Variants in TTC7A observed in about 807,000 individuals in gnomAD.
TTC7A encodes the protein tetratricopeptide repeat domain 7A.
A neutral mutation model predicts 103.7 loss-of-function variants in TTC7A; 110 were observed. That is an observed-to-expected ratio of 1.06 (90% confidence interval 0.91 to 1.24). The LOEUF (loss-of-function observed/expected upper bound fraction) is 1.24. TTC7A is among the 50% of genes most tolerant of loss of function. The probability of loss-of-function intolerance (pLI) is 0.00; values close to 1 mark genes in which losing one functional copy is unlikely to be tolerated. For missense variants in TTC7A, 1,340 were observed against 1,116.3 expected, an observed-to-expected ratio of 1.20 and a Z score of -2.86; for synonymous variants, 521 against 467.9, an observed-to-expected ratio of 1.11 and a Z score of -1.47.
At chr2:46,946,426 T>C (rs906560371) in intron 1 of TTC7A, among the ~76,000 whole-genome samples, 1 of 152,158 alleles carries the variant, frequency 6.6e-6, no homozygotes, top group Admixed American at 6.5e-5. Context: ...TTAATTTTTT[T>C]AATTTTTATT....
At chr2:47,033,622 C>T (rs1464700233) in intron 15 of TTC7A, among the ~76,000 whole-genome samples, 1 of 152,258 alleles carries the variant, frequency 6.6e-6, no homozygotes, top group African/African-American at 2.4e-5. Flanking sequence ...CAGCAACTTA[C>T]TCCTCTTCCC....
intron 19 of TTC7A, among the ~76,000 whole-genome samples, chr2:47,064,442 T>TTGCC (rs1684027439): frequency 6.6e-6 from 1 of 152,166 alleles, no homozygotes; most frequent in Non-Finnish European, 1.5e-5. Flanking sequence ...AGACTGAACT[T>TTGCC]TGCCTGCCTG....
At chr2:47,035,818 CT>C (rs1659262770) in intron 15 of TTC7A, among the ~76,000 whole-genome samples, 1 of 152,160 alleles carries the variant, frequency 6.6e-6, no homozygotes, top group Admixed American at 6.5e-5. Context: ...AAGACAAAGC[CT>C]TTTTGCGCCT....
At chr2:47,032,622 G>T (rs949848183) in intron 15 of TTC7A, among the ~76,000 whole-genome samples, 4 of 151,834 alleles carry the variant, frequency 2.6e-5, no homozygotes, top group African/African-American at 4.8e-5. Context: ...GGATCTGCAG[G>T]CCCCACCCCC....
At chr2:47,028,865 A>G (rs1451472407) in intron 14 of TTC7A, among the ~76,000 whole-genome samples, 1 of 151,928 alleles carries the variant, frequency 6.6e-6, no homozygotes, top group African/African-American at 2.4e-5. Context: ...CATTTTCATC[A>G]TCTCCTCCTG....
At chr2:46,992,597 C>G (rs1675744724) in intron 5 of TTC7A, among the ~76,000 whole-genome samples, 1 of 152,218 alleles carries the variant, frequency 6.6e-6, no homozygotes. Flanking sequence ...AGGGCTTATT[C>G]TGTGAGCCCT....
intron 19 of TTC7A, chr2:47,067,770 CCA>C (rs1684302982): frequency 1.3e-5 from 2 of 152,050 alleles, no homozygotes; most frequent in Non-Finnish European, 2.9e-5. Flanking sequence ...TTAAATAATT[CCA>C]TAAGTTAGTG....
chr2:46,917,420 C>T, intron 2 of TTC7A: 2 of 564,928 alleles, frequency 3.5e-6, no homozygotes, highest in Admixed American at 3.5e-5. Flanking sequence ...ATTCATCCAT[C>T]TCTTCATCCA....
chr2:46,976,662 G>GT (rs1480906450), intron 4 of TTC7A, among the ~76,000 whole-genome samples: 1 of 152,218 alleles, frequency 6.6e-6, no homozygotes, highest in African/African-American at 2.4e-5. Flanking sequence ...AGAATTCTTT[G>GT]TTGTTGGTGA....
chr2:47,044,630 G>T (rs1028294113), intron 15 of TTC7A, among the ~76,000 whole-genome samples: 7 of 152,226 alleles, frequency 4.6e-5, no homozygotes, highest in Non-Finnish European at 8.8e-5. Flanking sequence ...AGAGAGGTGG[G>T]ATTTAAAGCC....
chr2:47,016,257 C>T (rs1408870012), intron 11 of TTC7A, among the ~76,000 whole-genome samples: 1 of 152,196 alleles, frequency 6.6e-6, no homozygotes, highest in Non-Finnish European at 1.5e-5. Flanking sequence ...TCCTTCAATG[C>T]ATCCTTTTCC....
At chr2:46,938,036 C>T (rs1558484486), upstream of TTC7A, among the ~76,000 whole-genome samples, 1 of 152,042 alleles carries the variant, frequency 6.6e-6, no homozygotes, top group African/African-American at 2.4e-5. Flanking sequence ...GGACTCTTTT[C>T]TCTTTTTGTG....
At chr2:46,976,015 GC>G (rs1673841329) in intron 4 of TTC7A, among the ~76,000 whole-genome samples, 1 of 152,184 alleles carries the variant, frequency 6.6e-6, no homozygotes, top group Non-Finnish European at 1.5e-5. Context: ...GGGATTACAG[GC>G]CCGTGCCCAG....
intron 18 of TTC7A, among the ~76,000 whole-genome samples, chr2:47,058,985 T>G (rs1344323553): frequency 7.4e-6 from 1 of 134,910 alleles, no homozygotes; most frequent in Non-Finnish European, 1.6e-5. Flanking sequence ...GGGAATGGAG[T>G]GGGGTCCTCA....
At chr2:47,071,535 C>T (rs1187976343) in intron 19 of TTC7A, among the ~76,000 whole-genome samples, 3 of 152,194 alleles carry the variant, frequency 2.0e-5, no homozygotes, top group Non-Finnish European at 2.9e-5. Context: ...AAGAGCCCCG[C>T]GAGGAAGGAC....
chr2:47,022,355 T>C (rs919816835), intron 12 of TTC7A, among the ~76,000 whole-genome samples: 41 of 152,216 alleles, frequency 2.7e-4, no homozygotes, highest in Admixed American at 1.5e-3. Flanking sequence ...CTGGTTCTCA[T>C]AGGCCTGCCT....
rs1245028365 is a variant in TTC7A at position 47,010,107 on chromosome 2, G to C, written c.1288-1224G>C. The stretch of plus-strand genomic sequence containing the variant: ...TTTTCCCATCTGTAAAGTAGAGTCA[G>C]AGTATCTGCATCATAAGATTGCTGT... On this transcript the variant is annotated intron_variant, in intron 10 of 19. Coordinates refer to ENST00000319190, the MANE Select transcript of TTC7A (RefSeq NM_020458.4). Among the ~76,000 whole-genome samples the C allele has an allele frequency of 8.5e-5, 13 of 152,210 alleles. No individual in the cohort carries two copies. The East Asian group carries it at 2.1e-3, about 25-fold the overall frequency.
At chr2:47,032,718 A>G (rs1680688275) in intron 15 of TTC7A, among the ~76,000 whole-genome samples, 1 of 151,778 alleles carries the variant, frequency 6.6e-6, no homozygotes, top group Non-Finnish European at 1.5e-5. Context: ...TTGAGCCACC[A>G]TGAGCTCCTC....
At chr2:47,045,909 G>C (rs1682263423) in intron 15 of TTC7A, among the ~76,000 whole-genome samples, 1 of 152,210 alleles carries the variant, frequency 6.6e-6, no homozygotes, top group Non-Finnish European at 1.5e-5. Flanking sequence ...GCTGGGCCCT[G>C]TGGGGAATGT....
Sources: gnomAD v4.1 joint callset for allele counts (sites outside exome capture counted in the v4.1 genomes callset) on GRCh38, gnomAD v4.1.1 for gene constraint, MANE v1.5 for transcripts, NCBI Gene and HGNC (gene_info 2026-07-23, HGNC 2026-07-21) for gene names.